Variants in MAOA observed in about 807,000 individuals in gnomAD.
The protein encoded by MAOA is amine oxidase [flavin-containing] A.
In MAOA, 6 loss-of-function variants were observed where a neutral mutation model predicts 42.0. The ratio of observed to expected loss-of-function variants is 0.14; its 90% CI spans 0.08 to 0.28. The LOEUF is 0.28. Among genes scored for constraint, MAOA ranks in the 10% least tolerant of loss-of-function variants. The pLI, the probability that MAOA is intolerant of heterozygous loss-of-function variation, is 1.00. For missense variants in MAOA, 262 were observed against 422.3 expected, an observed-to-expected ratio of 0.62 and a Z score of 3.33; for synonymous variants, 140 against 154.0, an observed-to-expected ratio of 0.91 and a Z score of 0.67.
At chrX:43,658,353 C>T (rs2033203952) in intron 1 of MAOA, among the ~76,000 whole-genome samples, 1 of 111,482 alleles carries the variant, frequency 9.0e-6, no homozygotes, top group Non-Finnish European at 1.9e-5. Context: ...ACTTTATGCT[C>T]CATACTTGGT....
At chrX:43,697,984 T>C (rs1303241213) in intron 3 of MAOA, among the ~76,000 whole-genome samples, 2 of 112,364 alleles carry the variant, frequency 1.8e-5, no homozygotes, top group Non-Finnish European at 3.8e-5. Flanking sequence ...GTTTCCCCAA[T>C]GTGATAGTGT....
At chrX:43,733,283 G>A (rs2033896439) in intron 9 of MAOA, among the ~76,000 whole-genome samples, 2 of 112,578 alleles carry the variant, frequency 1.8e-5, no homozygotes, top group Admixed American at 9.4e-5. Flanking sequence ...AGGAGGCCCA[G>A]TTCAGAATTG....
intron 3 of MAOA, among the ~76,000 whole-genome samples, chrX:43,710,073 T>G (rs148095597): frequency 2.2e-3 from 249 of 112,552 alleles, no homozygotes; most frequent in Non-Finnish European, 2.1e-3. Flanking sequence ...CATTCTATGA[T>G]GTACTAGCTA....
In MAOA at chrX:43,691,997, A is replaced by G. The variant is rs190386912; in HGVS notation, c.169-1294A>G. 5.4e-3 allele frequency among the ~76,000 whole-genome samples: 336 copies of G among 62,068 alleles called. 3 individuals are homozygous for G. The highest frequency in any genetic ancestry group is 0.025 in the Middle Eastern group (3 of 120). 53.9% of individuals were successfully genotyped at this position (62,068 alleles called of 115,157 possible). A position where few individuals can be genotyped will look rare whatever the true frequency, so the allele number is the denominator to read the frequency against. On this transcript the variant is annotated intron_variant, in intron 2 of 14. Transcript: ENST00000338702. ...AAAGAGACTAGACAAGTTGCACTGTATAGACACACACACACACACACACAC... is the reference window on the plus strand; with the variant it reads ...AAAGAGACTAGACAAGTTGCACTGTGTAGACACACACACACACACACACAC...
intron 10 of MAOA, among the ~76,000 whole-genome samples, chrX:43,739,823 C>A (rs2033946766): frequency 8.9e-6 from 1 of 112,375 alleles, no homozygotes; most frequent in Non-Finnish European, 1.9e-5. Flanking sequence ...ATAACTGGAT[C>A]AGTGTGAACC....
chrX:43,709,935 C>CT (rs1431199620), intron 3 of MAOA, among the ~76,000 whole-genome samples: 4 of 112,056 alleles, frequency 3.6e-5, no homozygotes, highest in African/African-American at 1.3e-4. Context: ...AGTTCTCTTT[C>CT]TTTTGGGAAA....
At chrX:43,710,499 C>T (rs2033691792) in intron 3 of MAOA, among the ~76,000 whole-genome samples, 1 of 112,113 alleles carries the variant, frequency 8.9e-6, no homozygotes, top group South Asian at 3.7e-4. Context: ...TTTAAAAAAT[C>T]CAATACAGCT....
chrX:43,689,472 C>T (rs2033515819), intron 2 of MAOA, among the ~76,000 whole-genome samples: 4 of 109,703 alleles, frequency 3.6e-5, no homozygotes, highest in Admixed American at 2.0e-4. Flanking sequence ...ATAGTCAGAC[C>T]AATGTTTTTC....
chrX:43,690,568 G>T (rs2033524689), intron 2 of MAOA, among the ~76,000 whole-genome samples: 1 of 110,614 alleles, frequency 9.0e-6, no homozygotes, highest in African/African-American at 3.3e-5. Flanking sequence ...GTAACTTTTG[G>T]CTGTGGGTTG....
At chrX:43,675,545 T>C (rs1486124932) in intron 1 of MAOA, among the ~76,000 whole-genome samples, 2 of 112,323 alleles carry the variant, frequency 1.8e-5, no homozygotes, top group Non-Finnish European at 3.8e-5. Context: ...AGTTTTTCTG[T>C]TCTGTTATTT....
chrX:43,702,981 G>A (rs1419149976), intron 3 of MAOA, among the ~76,000 whole-genome samples: 1 of 111,360 alleles, frequency 9.0e-6, no homozygotes, highest in Non-Finnish European at 1.9e-5. Flanking sequence ...CATGGGTGCA[G>A]TCACTAATTG....
chrX:43,731,713 C>T lies in MAOA; in HGVS notation c.815C>T (p.Ala272Val), dbSNP rs1452282305. 1 of 1,208,839 alleles carries T rather than the reference C, an allele frequency of 8.3e-7. No individual in the cohort carries two copies. Among genetic ancestry groups the T allele is most frequent in the Non-Finnish European group, 1.1e-6 (1 of 894,477 alleles). Reference protein sequence around the residue: ...EHYECKYVINAIPPTLTAKIH... With the variant: ...EHYECKYVINVIPPTLTAKIH... ...TTTTAGTGCAAATACGTAATTAATG[C>T]GATCCCTCCGACCTTGACTGCCAAG... The change falls in exon 8 of 15, where the codon GCG becomes GTG. Residue 272 changes from alanine (A) to valine (V), a missense_variant. By Grantham distance (64) the Ala-to-Val change is moderately conservative. Coordinates refer to ENST00000338702, the MANE Select transcript of MAOA (RefSeq NM_000240.4).
At chrX:43,714,687 G>A (rs1269248573) in intron 5 of MAOA, among the ~76,000 whole-genome samples, 1 of 107,699 alleles carries the variant, frequency 9.3e-6, no homozygotes, top group East Asian at 3.0e-4. Flanking sequence ...GTTAGGGAGT[G>A]GGGAACAAGA....
Position 43,744,759 on chromosome X carries a change from G to T in MAOA, c.*246G>T. The T allele has an allele frequency of 4.9e-6, 2 of 406,147 alleles. No homozygotes were observed. The highest frequency in any genetic ancestry group is 7.4e-5 in the South Asian group (2 of 26,944). 33.5% of individuals were successfully genotyped at this position (406,147 alleles called of 1,213,427 possible). A position where few individuals can be genotyped will look rare whatever the true frequency, so the allele number is the denominator to read the frequency against. On this transcript the variant is annotated 3_prime_UTR_variant, in exon 15 of 15. Coordinates refer to ENST00000338702, the MANE Select transcript of MAOA (RefSeq NM_000240.4). ...ATGTTAATTGATAGAATAAAGCCTT[G>T]TGATCACTTTCTGAAATTCACAAAG...
chrX:43,671,874 T>G (rs746228959), intron 1 of MAOA, among the ~76,000 whole-genome samples: 13 of 104,383 alleles, frequency 1.2e-4, no homozygotes, highest in Non-Finnish European at 2.4e-4. Context: ...AGTCAGGTAG[T>G]GTGATGCCTC....
At chrX:43,693,595 G>GA (rs1318493561) in intron 3 of MAOA, among the ~76,000 whole-genome samples, 167 bp downstream of exon 3, 4 of 109,983 alleles carry the variant, frequency 3.6e-5, no homozygotes, top group African/African-American at 1.0e-4. Flanking sequence ...TTTTTCTTTT[G>GA]AAAAAAATCT....
chrX:43,662,808 A>G (rs2033246353), intron 1 of MAOA, among the ~76,000 whole-genome samples: 2 of 110,562 alleles, frequency 1.8e-5, no homozygotes, highest in African/African-American at 6.6e-5. Flanking sequence ...TTTCATAATG[A>G]TAGGGTTTTT....
At chrX:43,722,144 T>C (rs754169127) in intron 5 of MAOA, among the ~76,000 whole-genome samples, 3 of 112,275 alleles carry the variant, frequency 2.7e-5, no homozygotes, top group Non-Finnish European at 5.6e-5. Flanking sequence ...AGTGCTGCAA[T>C]AAACATATGT....
intron 1 of MAOA, among the ~76,000 whole-genome samples, chrX:43,667,095 A>T (rs575644664): frequency 4.5e-5 from 5 of 109,999 alleles, no homozygotes; most frequent in East Asian, 5.8e-4. Context: ...CATATGTAAC[A>T]AACCTGCACA....
Sources: allele counts gnomAD v4.1 joint callset (sites outside exome capture counted in the v4.1 genomes callset), GRCh38; gene constraint gnomAD v4.1.1; transcripts MANE v1.5; gene names NCBI Gene and HGNC (gene_info 2026-07-23, HGNC 2026-07-21).